Variants in PCDHA7 observed in about 807,000 individuals in gnomAD.
PCDHA7 encodes protocadherin alpha 7.
PCDHA7 carries 37 observed loss-of-function variants against 57.2 expected under a neutral mutation model. The observed-to-expected ratio is 0.65, with a 90% CI of 0.50 to 0.85. The LOEUF is 0.85. Among genes scored for constraint, PCDHA7 ranks in the 40% least tolerant of loss-of-function variants. PCDHA7 has a pLI of 0.00. For missense variants in PCDHA7, 1,188 were observed against 1,241.8 expected (o/e 0.96, Z 0.65); for synonymous variants, 553 against 558.8 (o/e 0.99, Z 0.15).
intron 1 of PCDHA7, chr5:140,867,086 T>G (rs2049743912): frequency 6.6e-6 from 1 of 152,178 alleles, no homozygotes; most frequent in African/African-American, 2.4e-5. Context: ...ACTGTATTGT[T>G]GGAAATTAAC....
intron 1 of PCDHA7, among the ~76,000 whole-genome samples, chr5:140,874,815 A>T (rs2055116009): frequency 6.6e-6 from 1 of 152,262 alleles, no homozygotes; most frequent in Non-Finnish European, 1.5e-5. Context: ...AAGACAATTT[A>T]TATAAATGAA....
In PCDHA7 at chr5:140,875,509, C is replaced by A. The variant is rs1554167713; in HGVS notation, c.2355+38771C>A. On this transcript the variant is annotated intron_variant, in intron 1 of 3. Coordinates refer to ENST00000525929, the MANE Select transcript of PCDHA7 (RefSeq NM_018910.3). The stretch of plus-strand genomic sequence containing the variant: ...CGGACCAAGAGGCCCGGGATCCCAG[C>A]GTCTGCTGCTCTCGCTTCTGCTCCT... 3.7e-6 allele frequency: 6 copies of A among 1,613,576 alleles called. No individual in the cohort carries two copies. The Admixed American group carries it at 6.7e-5, about 18-fold the overall frequency.
At chr5:140,858,376 A>G in intron 1 of PCDHA7, 2 of 1,587,998 alleles carry the variant, frequency 1.3e-6, no homozygotes. Flanking sequence ...GCCTTCCACC[A>G]TGCCCAATGG....
At chr5:140,851,029 C>G (rs1554145203) in intron 1 of PCDHA7, 3 of 1,410,832 alleles carry the variant, frequency 2.1e-6, no homozygotes, top group African/African-American at 2.9e-5. Context: ...AAGTAAACCC[C>G]TTAACATTGG....
intron 1 of PCDHA7, among the ~76,000 whole-genome samples, chr5:140,895,520 A>G (rs1053295495): frequency 6.6e-6 from 1 of 152,116 alleles, no homozygotes; most frequent in South Asian, 2.1e-4. Context: ...TAATTGGTTT[A>G]TTCGTTTTTC....
At chr5:140,940,795 A>G (rs2153647229) in intron 1 of PCDHA7, among the ~76,000 whole-genome samples, 1 of 152,276 alleles carries the variant, frequency 6.6e-6, no homozygotes, top group Non-Finnish European at 1.5e-5. Flanking sequence ...TGAAAATGAT[A>G]TTTGCCAGGA....
intron 1 of PCDHA7, among the ~76,000 whole-genome samples, chr5:140,900,829 A>G (rs2068324648): frequency 6.6e-6 from 1 of 152,110 alleles, no homozygotes; most frequent in Non-Finnish European, 1.5e-5. Context: ...TCCCACCAAC[A>G]ATGTACAAAG....
intron 2 of PCDHA7, among the ~76,000 whole-genome samples, chr5:140,980,357 C>T (rs191882864): frequency 1.6e-3 from 239 of 152,238 alleles, no homozygotes; most frequent in Middle Eastern, 6.8e-3. Flanking sequence ...CTGGACTGGG[C>T]GCGGTGGCTC....
intron 2 of PCDHA7, among the ~76,000 whole-genome samples, chr5:140,980,627 T>C (rs1482574235): frequency 6.6e-6 from 1 of 151,860 alleles, no homozygotes; most frequent in African/African-American, 2.4e-5. Context: ...AGACTCTGTC[T>C]CAGAAGAATA....
intron 1 of PCDHA7, among the ~76,000 whole-genome samples, chr5:140,840,258 A>AT (rs1258351713): frequency 9.9e-5 from 15 of 152,108 alleles, no homozygotes; most frequent in South Asian, 2.1e-4. Context: ...AAAAATTGTG[A>AT]TTTTTTAATG....
chr5:140,940,096 T>C (rs2153644801), intron 1 of PCDHA7, among the ~76,000 whole-genome samples: 1 of 152,378 alleles, frequency 6.6e-6, no homozygotes, highest in East Asian at 1.9e-4. Context: ...ATTGAAACTT[T>C]TAGCGTTATG....
At chr5:140,966,248 G>C (rs2095985597) in intron 1 of PCDHA7, 2 of 322,664 alleles carry the variant, frequency 6.2e-6, no homozygotes, top group Non-Finnish European at 5.6e-6. Context: ...AAGCAGGGGA[G>C]AGACGGTGGA....
intron 1 of PCDHA7, chr5:140,858,137 TACCTGATCATCGCC>T: frequency 1.9e-6 from 3 of 1,597,500 alleles, no homozygotes; most frequent in Non-Finnish European, 2.6e-6. Context: ...TGTCAACGTG[TACCTGATCATCGCC>T]ATCTGCGCGG....
At chr5:140,870,619 T>C in intron 1 of PCDHA7, 1 of 1,613,150 alleles carries the variant, frequency 6.2e-7, no homozygotes, top group Middle Eastern at 1.7e-4. Flanking sequence ...GCTGTCGAGC[T>C]ACGTGTCGGT....
intron 1 of PCDHA7, chr5:140,858,108 C>A (rs781859966): frequency 3.1e-6 from 5 of 1,597,590 alleles, no homozygotes; most frequent in Non-Finnish European, 4.3e-6. Context: ...GGCGTGGCGC[C>A]CGAGGTGGCC....
chr5:140,953,279 A>T (rs2153698724), intron 1 of PCDHA7, among the ~76,000 whole-genome samples: 1 of 152,188 alleles, frequency 6.6e-6, no homozygotes, highest in Non-Finnish European at 1.5e-5. Context: ...TTTGCTCTTT[A>T]TATGTGATTC....
intron 1 of PCDHA7, chr5:140,968,527 G>T: frequency 3.1e-6 from 5 of 1,614,142 alleles, no homozygotes; most frequent in Non-Finnish European, 4.2e-6. Flanking sequence ...CAACCAACTC[G>T]TCAGCAGCCT....
chr5:140,869,205 C>A (rs782278064), intron 1 of PCDHA7: 1 of 1,613,994 alleles, frequency 6.2e-7, no homozygotes, highest in Non-Finnish European at 8.5e-7. Flanking sequence ...TCCACTACTC[C>A]GTCTCGGAGG....
chr5:140,967,747 A>G (rs782650276), intron 1 of PCDHA7: 36 of 1,614,042 alleles, frequency 2.2e-5, no homozygotes, highest in Non-Finnish European at 3.0e-5. Context: ...ATTATGAGGA[A>G]GCCTCCTCCT....
Sources: gnomAD v4.1 joint callset for allele counts (sites outside exome capture counted in the v4.1 genomes callset) on GRCh38, gnomAD v4.1.1 for gene constraint, MANE v1.5 for transcripts, NCBI Gene and HGNC (gene_info 2026-07-23, HGNC 2026-07-21) for gene names.